Variants in BICC1 observed in about 807,000 individuals in gnomAD.
BICC1 encodes protein bicaudal C homolog 1.
A neutral mutation model predicts 111.0 loss-of-function variants in BICC1; 43 were observed. The ratio of observed to expected loss-of-function variants is 0.39; its 90% CI spans 0.30 to 0.50. The LOEUF (loss-of-function observed/expected upper bound fraction) is 0.50. Ranked by LOEUF, BICC1 falls within the 20% of genes least tolerant of loss-of-function variation. BICC1 has a pLI of 0.88. For missense variants in BICC1, 1,091 were observed against 1,203.2 expected, an observed-to-expected ratio of 0.91 and a Z score of 1.38; for synonymous variants, 467 against 434.4, an observed-to-expected ratio of 1.07 and a Z score of -0.93.
chr10:58,772,397 A>T (rs2132726838), intron 3 of BICC1, among the ~76,000 whole-genome samples: 1 of 152,326 alleles, frequency 6.6e-6, no homozygotes, highest in Admixed American at 6.5e-5. Flanking sequence ...ACTGAAAGGA[A>T]GTAATGATTA....
chr10:58,627,232 C>A (rs1377841849), intron 2 of BICC1, among the ~76,000 whole-genome samples: 1 of 152,106 alleles, frequency 6.6e-6, no homozygotes, highest in East Asian at 1.9e-4. Flanking sequence ...TTCCTTGAAA[C>A]CAAACTCAAT....
intron 1 of BICC1, among the ~76,000 whole-genome samples, chr10:58,592,287 C>A (rs1179668887): frequency 2.0e-5 from 3 of 152,074 alleles, no homozygotes; most frequent in Non-Finnish European, 4.4e-5. Context: ...CCCATTTTTT[C>A]TTCTTGTTAG....
intron 2 of BICC1, among the ~76,000 whole-genome samples, chr10:58,675,269 A>G (rs776925058): frequency 2.0e-5 from 3 of 152,200 alleles, no homozygotes; most frequent in Admixed American, 6.5e-5. Flanking sequence ...AATAGGATGC[A>G]TTTAGCCTCA....
chr10:58,700,684 GCAGTA>G (rs993528378), intron 2 of BICC1, among the ~76,000 whole-genome samples: 1 of 152,216 alleles, frequency 6.6e-6, no homozygotes, highest in Admixed American at 6.5e-5. Flanking sequence ...TGGCAAGTGA[GCAGTA>G]CAATGCCATG....
intron 3 of BICC1, among the ~76,000 whole-genome samples, chr10:58,763,874 C>T (rs532982055): frequency 2.7e-4 from 41 of 151,968 alleles, no homozygotes; most frequent in African/African-American, 9.9e-4. Flanking sequence ...AGTAAAGTTA[C>T]ACAAGTAGAC....
chr10:58,792,162 C>T (rs1843201668), intron 8 of BICC1, among the ~76,000 whole-genome samples: 1 of 151,904 alleles, frequency 6.6e-6, no homozygotes. Flanking sequence ...ATTCCAGCAC[C>T]CAGTGGGCTA....
intron 1 of BICC1, among the ~76,000 whole-genome samples, chr10:58,559,875 T>A (rs1263618855): frequency 1.3e-5 from 2 of 152,058 alleles, no homozygotes; most frequent in Non-Finnish European, 2.9e-5. Flanking sequence ...TTGTGATATA[T>A]CATGTTTATT....
intron 3 of BICC1, among the ~76,000 whole-genome samples, chr10:58,703,996 A>C (rs2393474): frequency 6.6e-6 from 1 of 152,174 alleles, no homozygotes; most frequent in Non-Finnish European, 1.5e-5. Context: ...TTTTGTTCAA[A>C]ATGTGGTGGC....
chr10:58,744,788 G>C (rs1841780958), intron 3 of BICC1, among the ~76,000 whole-genome samples: 1 of 152,084 alleles, frequency 6.6e-6, no homozygotes, highest in Admixed American at 6.6e-5. Context: ...TCAAGGAAAA[G>C]GATGGATACA....
intron 8 of BICC1, among the ~76,000 whole-genome samples, 183 bp downstream of exon 8, chr10:58,790,116 G>A (rs1843132900): frequency 6.6e-6 from 1 of 152,226 alleles, no homozygotes; most frequent in Non-Finnish European, 1.5e-5. Flanking sequence ...GCCTCAACAG[G>A]TTTAATTTCA....
At chr10:58,808,440 C>T (rs1379607061) in intron 17 of BICC1, among the ~76,000 whole-genome samples, 1 of 152,114 alleles carries the variant, frequency 6.6e-6, no homozygotes, top group African/African-American at 2.4e-5. Context: ...TGACTGTGTT[C>T]CTATAGTTTC....
rs754180659 is a variant in BICC1, at chr10:58,787,069, A to G, written c.534A>G (p.Glu178=). 3 of 1,585,926 alleles carry G rather than the reference A, an allele frequency of 1.9e-6. No individual in the cohort carries two copies. The highest frequency in any genetic ancestry group is 2.3e-5 in the South Asian group (2 of 85,698). ...ATTCCAACAGGAATAACCAAGCAGA[A>G]AAAAGCAACCAGGTGGTTTGTCTTT... ...FPDSNRNNQA[E]KSNQVSIAGQ... is the part of the protein sequence containing the mutation. Residue 178 remains glutamate (E), a synonymous_variant, in exon 5 of 21, where the codon GAA becomes GAG. Transcript: ENST00000373886.
At chr10:58,802,612 C>T (rs2893788) in intron 14 of BICC1, among the ~76,000 whole-genome samples, 21 of 152,310 alleles carry the variant, frequency 1.4e-4, no homozygotes, top group African/African-American at 5.1e-4. Flanking sequence ...ATATTTCATA[C>T]ACACGAATTG....
chr10:58,665,704 T>A (rs1459770377), intron 2 of BICC1, among the ~76,000 whole-genome samples: 1 of 152,222 alleles, frequency 6.6e-6, no homozygotes, highest in East Asian at 1.9e-4. Flanking sequence ...AGACTTTATG[T>A]GTTTTGATCT....
intron 3 of BICC1, among the ~76,000 whole-genome samples, chr10:58,747,824 A>T (rs1053124288): frequency 6.6e-6 from 1 of 152,146 alleles, no homozygotes; most frequent in African/African-American, 2.4e-5. Context: ...GGCAAACCAC[A>T]TTTCACAGGC....
At chr10:58,541,005 C>G (rs1042026346) in intron 1 of BICC1, among the ~76,000 whole-genome samples, 2 of 151,934 alleles carry the variant, frequency 1.3e-5, no homozygotes, top group Non-Finnish European at 2.9e-5. Context: ...AGTCATACAC[C>G]CTTTCATGAC....
rs541205722 is a variant in BICC1 at position 58,547,129 on chromosome 10, C to T, written c.190+33796C>T. On this transcript the variant is annotated intron_variant, in intron 1 of 20. Coordinates refer to ENST00000373886, the MANE Select transcript of BICC1 (RefSeq NM_001080512.3). ...TACCATCTTATATTAATTAATGAGC[C>T]AGTAATGATGCATTGTTATGAACTA... Among the ~76,000 whole-genome samples, 5 of 152,280 alleles carry T rather than the reference C, an allele frequency of 3.3e-5. No homozygotes were observed. The East Asian group carries it at 9.7e-4, about 29-fold the overall frequency.
intron 15 of BICC1, among the ~76,000 whole-genome samples, chr10:58,804,115 T>G (rs947975794): frequency 4.6e-5 from 7 of 152,214 alleles, no homozygotes; most frequent in African/African-American, 1.2e-4. Context: ...AGTTTAGTCC[T>G]CCTTCTCTAT....
rs777290915 is a variant in BICC1, at chr10:58,813,989, G to A, written c.2533+3G>A. On this transcript the variant is annotated splice_donor_region_variant and intron_variant, in intron 18 of 20. Coordinates refer to ENST00000373886, the MANE Select transcript of BICC1 (RefSeq NM_001080512.3). ...TAAGCGTAAACAAAACAAATCAAGT[G>A]AGCGTTGTGTTTTATGCACACTTTT... is the stretch of plus-strand genomic sequence containing the variant. 6.2e-7 allele frequency: 1 copy of A among 1,613,974 alleles called. No individual in the cohort carries two copies.
Sources: gnomAD v4.1 joint callset for allele counts (sites outside exome capture counted in the v4.1 genomes callset) on GRCh38, gnomAD v4.1.1 for gene constraint, MANE v1.5 for transcripts, NCBI Gene and HGNC (gene_info 2026-07-23, HGNC 2026-07-21) for gene names.